MYH11: variants seen among roughly 807,000 people sequenced by gnomAD.
MYH11 encodes the protein myosin heavy chain 11.
A neutral mutation model predicts 246.6 loss-of-function variants in MYH11; 80 were observed. That is an observed-to-expected ratio of 0.32 (90% CI 0.27 to 0.39). The LOEUF is 0.39. Ranked by LOEUF, MYH11 falls within the 10% of genes least tolerant of loss-of-function variation. The pLI, the probability that MYH11 is intolerant of heterozygous loss-of-function variation, is 1.00. For missense variants in MYH11, 2,158 were observed against 2,546.8 expected, an observed-to-expected ratio of 0.85 and a Z score of 3.29; for synonymous variants, 1,071 against 1,015.5, an observed-to-expected ratio of 1.05 and a Z score of -1.04.
At chr16:15,783,854 C>T (rs369553849) in intron 5 of MYH11, among the ~76,000 whole-genome samples, 40 of 152,074 alleles carry the variant, frequency 2.6e-4, no homozygotes, top group East Asian at 7.7e-4. Flanking sequence ...GCCAAGGTCA[C>T]ACAAAAGCAG....
intron 3 of MYH11, among the ~76,000 whole-genome samples, chr16:15,807,537 A>T (rs2043041479): frequency 6.6e-6 from 1 of 152,080 alleles, no homozygotes; most frequent in South Asian, 2.1e-4. Flanking sequence ...GGAGAGGTCG[A>T]GGCAGAGCAT....
intron 3 of MYH11, among the ~76,000 whole-genome samples, chr16:15,808,169 G>A (rs2043057698): frequency 6.6e-6 from 1 of 152,230 alleles, no homozygotes. Flanking sequence ...GGAGGCAGAT[G>A]CCAGAGGTTC....
intron 7 of MYH11, among the ~76,000 whole-genome samples, chr16:15,776,796 G>A (rs1365356761): frequency 6.6e-6 from 1 of 152,180 alleles, no homozygotes; most frequent in Non-Finnish European, 1.5e-5. Flanking sequence ...ATTAATTTCA[G>A]GAGAGCTTCT....
intron 33 of MYH11, among the ~76,000 whole-genome samples, chr16:15,720,575 C>A (rs990662145): frequency 6.6e-6 from 1 of 150,476 alleles, no homozygotes. Flanking sequence ...ATGGTGAAAC[C>A]TTGTCTCCAC....
At position 15,798,683 on chromosome 16, in the gene MYH11, C is replaced by A; in HGVS notation, c.507G>T (p.Arg169=). Residue 169 remains arginine (R), a synonymous_variant, in exon 4 of 41, where the codon CGG becomes CGT. Transcript: ENST00000300036. The stretch of plus-strand genomic sequence containing the variant: ...ACGTGCATAGAATGGACTGGTCCTC[C>A]CGATCTGCAAACAGAAAGAAGAAAA... The part of the protein sequence containing the change: ...DTAYRSMLQD[R]EDQSILCTGE... 6.2e-7 allele frequency: 1 copy of A among 1,612,518 alleles called. No homozygotes were observed. The highest frequency in any genetic ancestry group is 8.5e-7 in the Non-Finnish European group (1 of 1,179,784).
chr16:15,711,717 G>C (rs958805518), intron 40 of MYH11, among the ~76,000 whole-genome samples: 1 of 151,858 alleles, frequency 6.6e-6, no homozygotes, highest in South Asian at 2.1e-4. Context: ...TTTTGAGACC[G>C]AGTTTTGGTC....
chr16:15,825,651 T>C (rs1448658949), intron 2 of MYH11, among the ~76,000 whole-genome samples: 2 of 152,122 alleles, frequency 1.3e-5, no homozygotes, highest in Non-Finnish European at 2.9e-5. Flanking sequence ...ATATGCACTT[T>C]ACCATTTAAA....
intron 38 of MYH11, among the ~76,000 whole-genome samples, chr16:15,716,266 C>T (rs900512195): frequency 2.6e-5 from 4 of 152,032 alleles, no homozygotes; most frequent in African/African-American, 7.2e-5. Context: ...AAAATGTTCT[C>T]AAAATGACTG....
chr16:15,791,500 A>G (rs34688090), intron 4 of MYH11: 3,782 of 152,224 alleles, frequency 0.025, 60 homozygotes, highest in East Asian at 0.11. Context: ...TCTCTCCCCT[A>G]TAGCATCAAT....
chr16:15,754,051 C>CA (rs10706166), intron 14 of MYH11, among the ~76,000 whole-genome samples: 5,888 of 132,726 alleles, frequency 0.044, 132 homozygotes, highest in Middle Eastern at 0.061. Context: ...ACTAAAAATA[C>CA]AAAAAAAAAA....
intron 1 of MYH11, among the ~76,000 whole-genome samples, chr16:15,841,249 T>C (rs938799655): frequency 5.3e-5 from 8 of 152,330 alleles, no homozygotes; most frequent in Admixed American, 5.2e-4. Context: ...GCGATTCTCC[T>C]GCCTTAGCTT....
chr16:15,784,765 A>G lies in MYH11; in HGVS notation c.633+1865T>C, dbSNP rs1257371674. On this transcript the variant is annotated intron_variant, in intron 5 of 40. Transcript: ENST00000300036. ...TAAAACAAATGTCAGCGTTATTTCC[A>G]TCACATGGACATCAGGGGCTGGAGA... The G allele has an allele frequency of 4.3e-6, 7 of 1,611,348 alleles. No individual in the cohort carries two copies. The South Asian group carries it at 6.6e-5, about 15-fold the overall frequency.
intron 8 of MYH11, among the ~76,000 whole-genome samples, chr16:15,773,877 A>T (rs2042161849): frequency 6.6e-6 from 1 of 152,114 alleles, no homozygotes; most frequent in Non-Finnish European, 1.5e-5. Context: ...GTATCCTATG[A>T]TTACATTTCC....
At chr16:15,707,057 G>T (rs1014440519) in intron 40 of MYH11, among the ~76,000 whole-genome samples, 2 of 151,758 alleles carry the variant, frequency 1.3e-5, no homozygotes, top group Admixed American at 6.6e-5. Context: ...ATTTTTTTTT[G>T]AAATAGAGTC....
At chr16:15,788,700 G>T (rs577480267) in intron 4 of MYH11, among the ~76,000 whole-genome samples, 12 of 152,036 alleles carry the variant, frequency 7.9e-5, no homozygotes, top group African/African-American at 2.4e-4. Context: ...CTTCCCAATG[G>T]CCACATTATT....
intron 1 of MYH11, among the ~76,000 whole-genome samples, chr16:15,842,774 AAAAAAAAAAAAAAAAAG>A: frequency 6.8e-6 from 1 of 147,828 alleles, no homozygotes; most frequent in African/African-American, 2.6e-5. Context: ...AAAAAAAAAA[AAAAAAAAAAAAAAAAAG>A]GGCAGAGAAA....
intron 4 of MYH11, among the ~76,000 whole-genome samples, chr16:15,790,790 C>G (rs1226997618): frequency 6.6e-6 from 1 of 150,468 alleles, no homozygotes; most frequent in Non-Finnish European, 1.5e-5. Flanking sequence ...CCAGCCCCAG[C>G]AGCTGGGAAG....
At chr16:15,833,345 C>G (rs2151376733) in intron 2 of MYH11, among the ~76,000 whole-genome samples, 1 of 134,988 alleles carries the variant, frequency 7.4e-6, no homozygotes. Context: ...GACAGAAAGA[C>G]AGAGAAAGAA....
Position 15,750,138 on chromosome 16 carries a change from C to T in MYH11, c.2058G>A (p.Arg686=), listed in dbSNP as rs1880496525. 4 of 1,614,148 alleles carry T rather than the reference C, an allele frequency of 2.5e-6. No individual in the cohort carries two copies. Among genetic ancestry groups the T allele is most frequent in the Non-Finnish European group, 2.5e-6 (3 of 1,180,024 alleles). ...CCAGGGTCTGGGCGGCGGGCCTCAC[C>T]CTCTTCTCGTGGTTGGGGATGATGC... ...VRCIIPNHEK[R]SGKLDAFLVL... is the part of the protein sequence containing the mutation. Residue 686 remains arginine (R), a splice_region_variant and synonymous_variant, in exon 16 of 41, where the codon AGG becomes AGA. Transcript: ENST00000300036. This position sits in a 1 kb window ranked among gnomAD's most constrained non-coding sequence, Gnocchi z 4.3.
Sources: gnomAD v4.1 joint callset for allele counts (sites outside exome capture counted in the v4.1 genomes callset) on GRCh38, gnomAD v4.1.1 for gene constraint, Gnocchi (gnomAD v3.1) non-coding constraint, MANE v1.5 for transcripts, NCBI Gene and HGNC (gene_info 2026-07-23, HGNC 2026-07-21) for gene names.